The following CSMD1 variants were observed in gnomAD, a reference collection of about 807,000 sequenced individuals.
The protein encoded by CSMD1 is CUB and Sushi multiple domains 1.
CSMD1 carries 213 observed loss-of-function variants against 417.5 expected under a neutral mutation model. That is an observed-to-expected ratio of 0.51 (90% CI 0.46 to 0.57). The LOEUF is 0.57. CSMD1 is among the 20% of genes least tolerant of loss of function. The pLI, the probability that CSMD1 is intolerant of heterozygous loss-of-function variation, is 0.00. For missense variants in CSMD1, 6,923 were observed against 4,529.7 expected (o/e 1.53, Z -15.17); for synonymous variants, 2,862 against 1,736.8 (o/e 1.65, Z -16.11).
chr8:3,187,886 C>G lies in CSMD1; in HGVS notation c.5603G>C (p.Arg1868Thr), dbSNP rs1316682637. The G allele has an allele frequency of 3.1e-6, 5 of 1,612,746 alleles. No homozygotes were observed. The highest frequency in any genetic ancestry group is 3.3e-5 in the Admixed American group (2 of 59,926). Residue 1868 changes from arginine (R) to threonine (T), a missense_variant, in exon 36 of 70, where the codon AGA becomes ACA. Transcript: ENST00000635120. ...IHDGGDVTAP[R>T]LGSFSGTTVP... ...CATCTTACCTGAGAAGCTTCCCAGT[C>G]TGGGTGCGGTCACATCCCCACCATC... is the stretch of plus-strand genomic sequence containing the variant.
intron 3 of CSMD1, among the ~76,000 whole-genome samples, chr8:4,152,516 G>C (rs78117998): frequency 0.039 from 4,630 of 119,044 alleles, 210 homozygotes; most frequent in African/African-American, 0.14. Flanking sequence ...TGTCTCTACA[G>C]AGAGTACCAA....
At position 3,236,269 on chromosome 8, in the gene CSMD1, T is replaced by A. The variant is rs568937293; in HGVS notation, c.4154-6038A>T. 2.6e-5 allele frequency among the ~76,000 whole-genome samples: 4 copies of A among 152,248 alleles called. No individual in the cohort carries two copies. The South Asian group carries it at 8.3e-4, about 32-fold the overall frequency. On this transcript the variant is annotated intron_variant, in intron 26 of 69. Transcript: ENST00000635120. Reference sequence around the variant, plus strand: ...TATATATACATTTAGAGCTAATGTATATATCTGCTTGTATATTTTCAAAGG... The same window carrying A: ...TATATATACATTTAGAGCTAATGTAAATATCTGCTTGTATATTTTCAAAGG...
intron 26 of CSMD1, among the ~76,000 whole-genome samples, chr8:3,255,696 C>T (rs1006222761): frequency 2.0e-5 from 3 of 152,142 alleles, no homozygotes; most frequent in Admixed American, 6.5e-5. Context: ...CCTGGTGTGC[C>T]GTTTGCTAAG....
At chr8:3,139,176 G>A (rs1162381668) in intron 41 of CSMD1, among the ~76,000 whole-genome samples, 2 of 152,144 alleles carry the variant, frequency 1.3e-5, no homozygotes, top group East Asian at 3.9e-4. Flanking sequence ...TTGTGTCCTG[G>A]CGCTTGCAGA....
At chr8:3,145,587 A>G (rs985099403) in intron 40 of CSMD1, among the ~76,000 whole-genome samples, 1 of 152,242 alleles carries the variant, frequency 6.6e-6, no homozygotes, top group Non-Finnish European at 1.5e-5. Flanking sequence ...GATAAATTAT[A>G]CAGCCACATA....
Position 4,483,541 on chromosome 8 carries a change from A to G in CSMD1, c.303-63476T>C, listed in dbSNP as rs149944491. Among the ~76,000 whole-genome samples, 434 of 152,296 alleles carry G rather than the reference A, an allele frequency of 2.8e-3. 2 individuals carry two copies. The highest frequency in any genetic ancestry group is 3.8e-3 in the Non-Finnish European group (256 of 68,016). Reference sequence around the variant, plus strand: ...AAACATGAGTGACAAGGACACCAAAACTTATATTGGTTTTCTCTCAAGGAT... The same window carrying G: ...AAACATGAGTGACAAGGACACCAAAGCTTATATTGGTTTTCTCTCAAGGAT... On this transcript the variant is annotated intron_variant, in intron 2 of 69. Coordinates refer to ENST00000635120, the MANE Select transcript of CSMD1 (RefSeq NM_033225.6).
At chr8:4,006,211 GGACAGAAATATATTGACTTT>G (rs1192063492) in intron 4 of CSMD1, among the ~76,000 whole-genome samples, 1 of 152,028 alleles carries the variant, frequency 6.6e-6, no homozygotes, top group African/African-American at 2.4e-5. Flanking sequence ...GAGAATTCCG[GGACAGAAATATATTGACTTT>G]GTGCGCAGGA....
intron 11 of CSMD1, among the ~76,000 whole-genome samples, chr8:3,471,680 T>C (rs564919341): frequency 3.0e-3 from 419 of 141,102 alleles, no homozygotes; most frequent in African/African-American, 9.2e-3. Flanking sequence ...CTCCCTCCCT[T>C]CCTTCCTTCC....
chr8:3,030,898 A>G (rs11136560), intron 50 of CSMD1, among the ~76,000 whole-genome samples: 83,595 of 151,818 alleles, frequency 0.55, 23,473 homozygotes, highest in Non-Finnish European at 0.58. Flanking sequence ...AAAAATATAC[A>G]GAAAAATGTG....
chr8:3,518,805 T>A (rs1797385793), intron 10 of CSMD1, among the ~76,000 whole-genome samples: 2 of 152,140 alleles, frequency 1.3e-5, no homozygotes, highest in Admixed American at 6.6e-5. Flanking sequence ...CTAGACACCA[T>A]GCAAACTTTC....
chr8:3,955,519 C>T (rs915900443), intron 5 of CSMD1, among the ~76,000 whole-genome samples: 1 of 152,094 alleles, frequency 6.6e-6, no homozygotes, highest in African/African-American at 2.4e-5. Context: ...GTCAGCCAAC[C>T]TCTAATAAGT....
At chr8:4,042,222 C>G (rs1339049831) in intron 3 of CSMD1, among the ~76,000 whole-genome samples, 2 of 152,124 alleles carry the variant, frequency 1.3e-5, no homozygotes, top group African/African-American at 2.4e-5. Flanking sequence ...AGCACCATAT[C>G]ACACATGTCA....
chr8:3,540,590 C>T (rs775862418), intron 10 of CSMD1, among the ~76,000 whole-genome samples: 2 of 152,076 alleles, frequency 1.3e-5, no homozygotes, highest in Non-Finnish European at 2.9e-5. Flanking sequence ...TCTGAGTGAA[C>T]AGACAACCTA....
At chr8:4,155,719 C>A (rs1460005853) in intron 3 of CSMD1, among the ~76,000 whole-genome samples, 1 of 152,092 alleles carries the variant, frequency 6.6e-6, no homozygotes. Flanking sequence ...CGTCAAATCA[C>A]AACAGAAACA....
chr8:4,263,521 T>G (rs1193746122), intron 3 of CSMD1, among the ~76,000 whole-genome samples: 1 of 152,214 alleles, frequency 6.6e-6, no homozygotes, highest in Non-Finnish European at 1.5e-5. Context: ...TTTACTTCTC[T>G]GGCACTTGAT....
intron 3 of CSMD1, among the ~76,000 whole-genome samples, chr8:4,174,843 C>A (rs1358194272): frequency 7.0e-6 from 1 of 143,014 alleles, no homozygotes; most frequent in Non-Finnish European, 1.5e-5. Flanking sequence ...TACACCTTCG[C>A]CTCAAAATTT....
intron 37 of CSMD1, among the ~76,000 whole-genome samples, chr8:3,176,570 C>G (rs1426555598): frequency 6.6e-6 from 1 of 152,126 alleles, no homozygotes; most frequent in Non-Finnish European, 1.5e-5. Context: ...ATTTTCAGAT[C>G]CTTACATTGT....
chr8:4,586,980 G>C lies in CSMD1; in HGVS notation c.302+50362C>G, dbSNP rs116279861. Reference sequence around the variant, plus strand: ...TAAGAGAGGTTACATCTATATAAGAGCGCCTAAAAAGTTATAATAGAGATA... The same window carrying C: ...TAAGAGAGGTTACATCTATATAAGACCGCCTAAAAAGTTATAATAGAGATA... On this transcript the variant is annotated intron_variant, in intron 2 of 69. Transcript: ENST00000635120. Among the ~76,000 whole-genome samples the C allele has an allele frequency of 4.4e-3, 675 of 152,248 alleles. 5 individuals carry two copies. The highest frequency in any genetic ancestry group is 0.015 in the African/African-American group (612 of 41,526).
intron 1 of CSMD1, among the ~76,000 whole-genome samples, chr8:4,725,620 AG>A (rs1563227456): frequency 1.3e-5 from 2 of 152,178 alleles, no homozygotes; most frequent in African/African-American, 4.8e-5. Flanking sequence ...TTTTTAAAGA[AG>A]CCTCTTGAAA....
Sources: allele counts gnomAD v4.1 joint callset (sites outside exome capture counted in the v4.1 genomes callset), GRCh38; gene constraint gnomAD v4.1.1; transcripts MANE v1.5; gene names NCBI Gene and HGNC (gene_info 2026-07-23, HGNC 2026-07-21).